PDGFB: variants seen among roughly 807,000 people sequenced by gnomAD.
PDGFB encodes the protein platelet derived growth factor subunit B, also known as platelet-derived growth factor subunit B.
A neutral mutation model predicts 29.0 loss-of-function variants in PDGFB; 6 were observed. The observed-to-expected ratio is 0.21, with a 90% CI of 0.11 to 0.41. The LOEUF (loss-of-function observed/expected upper bound fraction) is 0.41, where lower values mean the gene tolerates loss of function less well. Ranked by LOEUF, PDGFB falls within the 10% of genes least tolerant of loss-of-function variation. PDGFB has a pLI of 1.00. For missense variants in PDGFB, 299 were observed against 341.8 expected (o/e 0.87, Z 0.99); for synonymous variants, 144 against 140.8 (o/e 1.02, Z -0.16).
chr22:39,244,672 C>T lies in PDGFB; in HGVS notation c.-709G>A, dbSNP rs1474910178. On this transcript the variant is annotated 5_prime_UTR_variant, in exon 1 of 7. Coordinates refer to ENST00000331163, the MANE Select transcript of PDGFB (RefSeq NM_002608.4). This position sits in a 1 kb window ranked among gnomAD's most constrained non-coding sequence, Gnocchi z 4.5. ...GCCCGGCCGACAGGTGGACGCGGCGCGAGTCCGTCGGTCCGTCTGCCCGCC... is the reference window on the plus strand; with the variant it reads ...GCCCGGCCGACAGGTGGACGCGGCGTGAGTCCGTCGGTCCGTCTGCCCGCC... 7 of 171,788 alleles carry T rather than the reference C, an allele frequency of 4.1e-5. No homozygotes were observed. In the South Asian group the frequency reaches 8.0e-4, roughly 20 times the overall value. The allele number at this position is 171,788 out of a possible 1,614,324, so 10.6% of individuals were successfully genotyped here.
Position 39,244,667 on chromosome 22 carries a change from C to T in PDGFB, c.-704G>A, listed in dbSNP as rs1932650709. ...GCTGGGCCCGGCCGACAGGTGGACGCGGCGCGAGTCCGTCGGTCCGTCTGC... is the reference window on the plus strand; with the variant it reads ...GCTGGGCCCGGCCGACAGGTGGACGTGGCGCGAGTCCGTCGGTCCGTCTGC... On this transcript the variant is annotated 5_prime_UTR_variant, in exon 1 of 7. Coordinates refer to ENST00000331163, the MANE Select transcript of PDGFB (RefSeq NM_002608.4). The surrounding 1 kb of genome is among the most constrained non-coding windows in gnomAD (Gnocchi z 4.5). 1.2e-5 allele frequency: 2 copies of T among 170,412 alleles called. No individual in the cohort carries two copies. Among genetic ancestry groups the T allele is most frequent in the African/African-American group, 4.8e-5 (2 of 41,730 alleles). 10.6% of individuals were successfully genotyped at this position (170,412 alleles called of 1,614,324 possible). A position where few individuals can be genotyped will look rare whatever the true frequency, so the allele number is the denominator to read the frequency against.
chr22:39,225,634 C>G, intron 6 of PDGFB, 61 bp downstream of exon 6: 1 of 1,479,784 alleles, frequency 6.8e-7, no homozygotes, highest in South Asian at 1.2e-5. Flanking sequence ...TGACCCCATC[C>G]ACAGACCACA....
At chr22:39,240,533 C>T (rs948592376) in intron 1 of PDGFB, among the ~76,000 whole-genome samples, 2 of 152,006 alleles carry the variant, frequency 1.3e-5, no homozygotes, top group Non-Finnish European at 2.9e-5. Context: ...TGATGCCTAC[C>T]AGAGGGCTGA....
chr22:39,235,724 G>T, intron 2 of PDGFB, 54 bp downstream of exon 2: 1 of 1,293,754 alleles, frequency 7.7e-7, no homozygotes. Context: ...GCCCCTCCCA[G>T]ATCTCTTAAA....
At chr22:39,237,270 CGATCCAGGAGCCA>C (rs1477909446) in intron 1 of PDGFB, among the ~76,000 whole-genome samples, 2 of 145,808 alleles carry the variant, frequency 1.4e-5, no homozygotes, top group Non-Finnish European at 1.5e-5. Flanking sequence ...CCACCCACAT[CGATCCAGGAGCCA>C]GAAGACTCAG....
intron 1 of PDGFB, among the ~76,000 whole-genome samples, chr22:39,238,263 C>T (rs952256334): frequency 1.3e-5 from 2 of 152,238 alleles, no homozygotes; most frequent in East Asian, 1.9e-4. Context: ...CTACCATTTT[C>T]CAGGTTCTGT....
rs117024458 is a variant in PDGFB, at chr22:39,235,113, C to T, written c.160+665G>A. ...ACAAAGGCAGGAAATGCTGTTCCCCCGTAGATAGCGTCTGGGCAAGGATTA... is the reference window on the plus strand; with the variant it reads ...ACAAAGGCAGGAAATGCTGTTCCCCTGTAGATAGCGTCTGGGCAAGGATTA... On this transcript the variant is annotated intron_variant, in intron 2 of 6. Transcript: ENST00000331163. 5.1e-4 allele frequency among the ~76,000 whole-genome samples: 77 copies of T among 152,256 alleles called. No individual in the cohort carries two copies. In the East Asian group the frequency reaches 0.013, roughly 26 times the overall value.
Position 39,238,987 on chromosome 22 carries a change from C to CA in PDGFB, c.64-3114dup, listed in dbSNP as rs532611481. Among the ~76,000 whole-genome samples the CA allele has an allele frequency of 1.4e-3, 217 of 152,362 alleles. 1 individual carries two copies. Among genetic ancestry groups the CA allele is most frequent in the East Asian group, 2.5e-3 (13 of 5,194 alleles). Reference sequence around the variant, plus strand: ...AGAAACCCTGTAGCGGAGGAAAGAGCAAGGGCTCCAGATGCCAGGGCAACC... The same window carrying CA: ...AGAAACCCTGTAGCGGAGGAAAGAGCAAAGGGCTCCAGATGCCAGGGCAACC... On this transcript the variant is annotated intron_variant, in intron 1 of 6. Coordinates refer to ENST00000331163, the MANE Select transcript of PDGFB (RefSeq NM_002608.4).
chr22:39,226,698 C>T (rs1932175112), intron 5 of PDGFB, among the ~76,000 whole-genome samples: 1 of 152,232 alleles, frequency 6.6e-6, no homozygotes. Flanking sequence ...GGTTTCCTCC[C>T]AACCTCTCAG....
Position 39,243,880 on chromosome 22 carries a change from C to G in PDGFB, c.63+21G>C. On this transcript the variant is annotated intron_variant, in intron 1 of 6. Coordinates refer to ENST00000331163, the MANE Select transcript of PDGFB (RefSeq NM_002608.4). This position sits in a 1 kb window ranked among gnomAD's most constrained non-coding sequence, Gnocchi z 6.4. Reference sequence around the variant, plus strand: ...GAAGGTAATGAATGAAGAACCAGCCCCAGCCGCCGTGGCAACTCACCTCGG... The same window carrying G: ...GAAGGTAATGAATGAAGAACCAGCCGCAGCCGCCGTGGCAACTCACCTCGG... 1.9e-6 allele frequency: 3 copies of G among 1,591,550 alleles called. No individual in the cohort carries two copies. The highest frequency in any genetic ancestry group is 2.6e-6 in the Non-Finnish European group (3 of 1,167,832).
chr22:39,236,879 A>G (rs1051956859), intron 1 of PDGFB, among the ~76,000 whole-genome samples: 1 of 152,208 alleles, frequency 6.6e-6, no homozygotes, highest in African/African-American at 2.4e-5. Context: ...ACGTGCAGGC[A>G]CAGGCACTCG....
intron 5 of PDGFB, among the ~76,000 whole-genome samples, chr22:39,228,538 A>G (rs1026334391): frequency 2.0e-5 from 3 of 151,972 alleles, no homozygotes; most frequent in African/African-American, 7.3e-5. Context: ...GGCTGCAGTG[A>G]GCTATGATCA....
chr22:39,229,155 T>TA (rs1932238046), intron 5 of PDGFB, among the ~76,000 whole-genome samples: 2 of 152,124 alleles, frequency 1.3e-5, no homozygotes, highest in Admixed American at 6.5e-5. Context: ...AACTATCACT[T>TA]ACGTGATTTT....
chr22:39,244,295 AG>A lies in PDGFB; in HGVS notation c.-333del. 9.3e-6 allele frequency: 2 copies of A among 216,092 alleles called. No homozygotes were observed. The highest frequency in any genetic ancestry group is 7.2e-5 in the East Asian group (1 of 13,828). 13.4% of individuals were successfully genotyped at this position (216,092 alleles called of 1,614,324 possible). On this transcript the variant is annotated 5_prime_UTR_variant, in exon 1 of 7. Transcript: ENST00000331163. The surrounding 1 kb of genome is among the most constrained non-coding windows in gnomAD (Gnocchi z 4.5). ...GGCGTCTAGCCGTGTGGGGGCGCCCAGGGGACTCCAACCTCCAAGAGGAAAA... is the reference window on the plus strand; with the variant it reads ...GGCGTCTAGCCGTGTGGGGGCGCCCAGGGACTCCAACCTCCAAGAGGAAAA...
rs757018789 is a variant in PDGFB, at chr22:39,231,766, G to C, written c.312C>G (p.Phe104Leu). The C allele has an allele frequency of 6.2e-7, 1 of 1,613,612 alleles. No homozygotes were observed. The highest frequency in any genetic ancestry group is 8.5e-7 in the Non-Finnish European group (1 of 1,179,864). The change falls in exon 4 of 7, where the codon TTC becomes TTG. Residue 104 changes from phenylalanine (F) to leucine (L), a missense_variant. Coordinates refer to ENST00000331163, the MANE Select transcript of PDGFB (RefSeq NM_002608.4). This position sits in a 1 kb window ranked among gnomAD's most constrained non-coding sequence, Gnocchi z 4.3. ...GGTCTATGAGGCGCCGGGAGATCTC[G>C]AACACCTCGGTGCGCGTCTTGCACT... is the stretch of plus-strand genomic sequence containing the variant. Reference protein sequence around the residue: ...IAECKTRTEVFEISRRLIDRT... With the variant: ...IAECKTRTEVLEISRRLIDRT...
Position 39,243,252 on chromosome 22 carries a change from GTCTCTC to G in PDGFB, c.63+643_63+648del, listed in dbSNP as rs79409466. Among the ~76,000 whole-genome samples, 83,343 of 143,664 alleles carry G rather than the reference GTCTCTC, an allele frequency of 0.58. 25,149 individuals are homozygous for G. The highest frequency in any genetic ancestry group is 0.89 in the East Asian group (4,237 of 4,784). The allele number at this position is 143,664 out of a possible 152,430, so 94.2% of individuals were successfully genotyped here. A position where few individuals can be genotyped will look rare whatever the true frequency, so the allele number is the denominator to read the frequency against. On this transcript the variant is annotated intron_variant, in intron 1 of 6. Coordinates refer to ENST00000331163, the MANE Select transcript of PDGFB (RefSeq NM_002608.4). This position sits in a 1 kb window ranked among gnomAD's most constrained non-coding sequence, Gnocchi z 6.4. ...CCTCTCTCTCTCCGTCTCTCTCTCC[GTCTCTC>G]TCTCTCTCTCTCTCTTTCTCTCTCT...
intron 2 of PDGFB, among the ~76,000 whole-genome samples, chr22:39,233,964 G>A (rs187395490): frequency 8.6e-5 from 12 of 140,068 alleles, no homozygotes; most frequent in African/African-American, 2.9e-4. Flanking sequence ...CCTGAACACA[G>A]CCCCTCTGGA....
rs1932150461 is a variant in PDGFB, at chr22:39,225,781, T to C, written c.668A>G (p.His223Arg). The C allele has an allele frequency of 6.2e-7, 1 of 1,613,996 alleles. No individual in the cohort carries two copies. Among genetic ancestry groups the C allele is most frequent in the African/African-American group, 1.3e-5 (1 of 74,924 alleles). Residue 223 changes from histidine to arginine, a missense_variant, in exon 6 of 7, where the codon CAC becomes CGC. Coordinates refer to ENST00000331163, the MANE Select transcript of PDGFB (RefSeq NM_002608.4). ...VRVRRPPKGKHRKFKHTHDKT... is the reference protein window; with the variant it reads ...VRVRRPPKGKRRKFKHTHDKT... ...GTCATGCGTGTGCTTGAATTTCCGG[T>C]GCTTGCCCTTGGGGGGCCGGCGGAC... is the stretch of plus-strand genomic sequence containing the variant.
chr22:39,236,234 C>G (rs928591925), intron 1 of PDGFB, among the ~76,000 whole-genome samples: 1 of 152,242 alleles, frequency 6.6e-6, no homozygotes, highest in Admixed American at 6.5e-5. Context: ...CAGCTGAAGA[C>G]AGCCAGCATC....
Sources: gnomAD v4.1 joint callset for allele counts (sites outside exome capture counted in the v4.1 genomes callset) on GRCh38, gnomAD v4.1.1 for gene constraint, Gnocchi (gnomAD v3.1) non-coding constraint, MANE v1.5 for transcripts, NCBI Gene and HGNC (gene_info 2026-07-23, HGNC 2026-07-21) for gene names.